Variants in PATJ observed in about 807,000 individuals in gnomAD.
PATJ encodes inaD-like protein.
A neutral mutation model predicts 224.9 loss-of-function variants in PATJ; 190 were observed. That is an observed-to-expected ratio of 0.84 (90% CI 0.75 to 0.95). The LOEUF (loss-of-function observed/expected upper bound fraction) is 0.95, where lower values mean the gene tolerates loss of function less well. Ranked by LOEUF, PATJ falls within the 40% of genes least tolerant of loss-of-function variation. The pLI, the probability that PATJ is intolerant of heterozygous loss-of-function variation, is 0.00. For synonymous variants in PATJ, 769 were observed against 820.3 expected, an observed-to-expected ratio of 0.94 and a Z score of 1.07; for missense variants, 2,121 against 2,270.3, an observed-to-expected ratio of 0.93 and a Z score of 1.34.
At chr1:62,085,418 T>C (rs1355292685) in intron 33 of PATJ, among the ~76,000 whole-genome samples, 1 of 152,070 alleles carries the variant, frequency 6.6e-6, no homozygotes, top group Non-Finnish European at 1.5e-5. Flanking sequence ...AATATTTTTA[T>C]AAATACTTAT....
At chr1:61,868,209 G>A (rs1406648492) in intron 20 of PATJ, among the ~76,000 whole-genome samples, 3 of 152,118 alleles carry the variant, frequency 2.0e-5, no homozygotes, top group African/African-American at 4.8e-5. Context: ...GTGGCATTAA[G>A]TACATGTACA....
At chr1:62,029,073 A>G (rs1283930538) in intron 29 of PATJ, among the ~76,000 whole-genome samples, 1 of 152,080 alleles carries the variant, frequency 6.6e-6, no homozygotes, top group East Asian at 1.9e-4. Flanking sequence ...CCAGTACCAC[A>G]CTGTTTTGAT....
In PATJ at chr1:62,148,404, A is replaced by G. The variant is rs1668292595; in HGVS notation, c.5378+14A>G. 2 of 1,561,028 alleles carry G rather than the reference A, an allele frequency of 1.3e-6. No individual in the cohort carries two copies. Among genetic ancestry groups the G allele is most frequent in the African/African-American group, 2.7e-5 (2 of 73,892 alleles). On this transcript the variant is annotated intron_variant, in intron 42 of 43. Coordinates refer to ENST00000642238, the MANE Select transcript of PATJ (RefSeq NM_001350145.3). ...AGAAGACACAGAGTGAGTATTTCAG[A>G]TGCAGAGGGCCTATTATGCATGTGG...
chr1:62,104,720 G>C (rs1662675273), intron 33 of PATJ, among the ~76,000 whole-genome samples: 1 of 151,982 alleles, frequency 6.6e-6, no homozygotes, highest in Non-Finnish European at 1.5e-5. Context: ...TCTTGCCCAG[G>C]CTGGAGTGTG....
At chr1:62,034,523 A>C (rs1464383081) in intron 29 of PATJ, among the ~76,000 whole-genome samples, 3 of 151,972 alleles carry the variant, frequency 2.0e-5, no homozygotes, top group Non-Finnish European at 4.4e-5. Context: ...TGAGGGCTCA[A>C]AGGTTCTCCA....
chr1:61,960,213 T>C (rs1681072046), intron 27 of PATJ, among the ~76,000 whole-genome samples: 1 of 152,186 alleles, frequency 6.6e-6, no homozygotes. Context: ...CTGAAACATA[T>C]TCCTTAACTC....
chr1:61,813,365 A>C (rs971846810), intron 14 of PATJ, among the ~76,000 whole-genome samples: 9 of 48,340 alleles, frequency 1.9e-4, no homozygotes, highest in Non-Finnish European at 3.4e-4. Flanking sequence ...ATATATATAT[A>C]TATATATATA....
intron 25 of PATJ, among the ~76,000 whole-genome samples, chr1:61,911,440 C>G (rs932307106): frequency 2.0e-5 from 3 of 152,048 alleles, no homozygotes; most frequent in African/African-American, 7.3e-5. Flanking sequence ...TTTCGAACTC[C>G]TGACCTCGTG....
At chr1:62,068,157 T>C (rs992510303) in intron 31 of PATJ, among the ~76,000 whole-genome samples, 3 of 152,242 alleles carry the variant, frequency 2.0e-5, no homozygotes, top group Non-Finnish European at 4.4e-5. Flanking sequence ...TGCAGCCTGA[T>C]GCCTGGATGC....
At chr1:62,080,822 G>A (rs1308131185) in intron 32 of PATJ, among the ~76,000 whole-genome samples, 1 of 152,068 alleles carries the variant, frequency 6.6e-6, no homozygotes, top group Non-Finnish European at 1.5e-5. Flanking sequence ...TTAAAGCATT[G>A]TAGATGTACT....
intron 12 of PATJ, among the ~76,000 whole-genome samples, chr1:61,803,146 T>C (rs2148596694): frequency 6.6e-6 from 1 of 152,324 alleles, no homozygotes; most frequent in African/African-American, 2.4e-5. Flanking sequence ...ATTTTTTTAT[T>C]ATTACAATGA....
Position 61,791,464 on chromosome 1 carries a change from T to G in PATJ, c.1168+17T>G. 7.0e-7 allele frequency: 1 copy of G among 1,431,274 alleles called. No homozygotes were observed. The highest frequency in any genetic ancestry group is 9.8e-7 in the Non-Finnish European group (1 of 1,020,898). The allele number at this position is 1,431,274 out of a possible 1,614,324, so 88.7% of individuals were successfully genotyped here. A position where few individuals can be genotyped will look rare whatever the true frequency, so the allele number is the denominator to read the frequency against. On this transcript the variant is annotated intron_variant, in intron 9 of 43. Transcript: ENST00000642238. ...CTCATACAGGTAAATGAATCATTTC[T>G]ATTTTATATTTGGAAATTGTAAAGG...
At chr1:62,030,680 T>C (rs925044078) in intron 29 of PATJ, among the ~76,000 whole-genome samples, 1 of 152,180 alleles carries the variant, frequency 6.6e-6, no homozygotes, top group Admixed American at 6.5e-5. Flanking sequence ...ACAGTCACTC[T>C]CTCCTTCTCC....
At chr1:61,785,613 C>T (rs1330020267) in intron 7 of PATJ, among the ~76,000 whole-genome samples, 5 of 152,058 alleles carry the variant, frequency 3.3e-5, no homozygotes, top group Non-Finnish European at 7.4e-5. Context: ...TTAAATGAAG[C>T]CAGCTGTGTT....
At chr1:61,985,989 C>A (rs12742283) in intron 27 of PATJ, among the ~76,000 whole-genome samples, 41,040 of 151,850 alleles carry the variant, frequency 0.27, 5,931 homozygotes, top group East Asian at 0.45. Flanking sequence ...CATTTTTAGG[C>A]AACATCCACT....
intron 15 of PATJ, among the ~76,000 whole-genome samples, chr1:61,824,400 C>T (rs1205814040): frequency 6.8e-6 from 1 of 146,376 alleles, no homozygotes; most frequent in Non-Finnish European, 1.5e-5. Context: ...ATATATATAA[C>T]ATGAAATTTA....
chr1:61,901,999 G>GCA (rs1244054953), intron 24 of PATJ, among the ~76,000 whole-genome samples: 2 of 152,152 alleles, frequency 1.3e-5, no homozygotes, highest in African/African-American at 4.8e-5. Context: ...GAAGCAGGCA[G>GCA]ATCACTTGAG....
intron 32 of PATJ, among the ~76,000 whole-genome samples, chr1:62,079,840 A>G (rs1658964626): frequency 6.6e-6 from 1 of 152,150 alleles, no homozygotes; most frequent in African/African-American, 2.4e-5. Flanking sequence ...CAGCCTGGCC[A>G]ACATGGTGAA....
chr1:61,820,417 A>G (rs753999603), intron 14 of PATJ, among the ~76,000 whole-genome samples: 5 of 151,850 alleles, frequency 3.3e-5, no homozygotes, highest in Non-Finnish European at 5.9e-5. Flanking sequence ...GTCTCAGCTC[A>G]CTGCAACCTC....
Sources: allele counts gnomAD v4.1 joint callset (sites outside exome capture counted in the v4.1 genomes callset), GRCh38; gene constraint gnomAD v4.1.1; transcripts MANE v1.5; gene names NCBI Gene and HGNC (gene_info 2026-07-23, HGNC 2026-07-21).